Variants in CHCHD6 observed in about 807,000 individuals in gnomAD.
The protein encoded by CHCHD6 is MICOS complex subunit MIC25.
In CHCHD6, 28 loss-of-function variants were observed where a neutral mutation model predicts 32.3. The ratio of observed to expected loss-of-function variants is 0.87; its 90% CI spans 0.64 to 1.19. The LOEUF (loss-of-function observed/expected upper bound fraction) is 1.19, where lower values mean the gene tolerates loss of function less well. Among genes scored for constraint, CHCHD6 ranks in the 50% most tolerant of loss-of-function variants. The pLI is 0.00. For missense variants in CHCHD6, 333 were observed against 307.0 expected, an observed-to-expected ratio of 1.08 and a Z score of -0.63; for synonymous variants, 122 against 117.5, an observed-to-expected ratio of 1.04 and a Z score of -0.25.
chr3:126,751,126 C>T (rs546148382), intron 4 of CHCHD6, among the ~76,000 whole-genome samples: 16 of 149,642 alleles, frequency 1.1e-4, no homozygotes, highest in Admixed American at 8.0e-4. Context: ...CAGGCCTTGC[C>T]GGGCCTCTGG....
chr3:126,819,679 A>C (rs1458586778), intron 4 of CHCHD6, among the ~76,000 whole-genome samples: 1 of 152,208 alleles, frequency 6.6e-6, no homozygotes, highest in African/African-American at 2.4e-5. Flanking sequence ...ACCTGGTAGA[A>C]GACTCTTGGC....
At chr3:126,834,609 C>G (rs1940779151) in intron 4 of CHCHD6, among the ~76,000 whole-genome samples, 1 of 152,156 alleles carries the variant, frequency 6.6e-6, no homozygotes, top group African/African-American at 2.4e-5. Flanking sequence ...TCAAGCCAAT[C>G]TCTATCAGTC....
At chr3:126,788,444 C>CCGTCTGG (rs1312729075) in intron 4 of CHCHD6, among the ~76,000 whole-genome samples, 1 of 152,198 alleles carries the variant, frequency 6.6e-6, no homozygotes, top group African/African-American at 2.4e-5. Flanking sequence ...TGCTGTGAAT[C>CCGTCTGG]CGTCTGGTGT....
chr3:126,873,349 T>C (rs1042236125), intron 5 of CHCHD6, among the ~76,000 whole-genome samples: 2 of 152,164 alleles, frequency 1.3e-5, no homozygotes, highest in African/African-American at 2.4e-5. Context: ...CTCCCAGCCT[T>C]GCTTTATTTG....
chr3:126,813,783 T>C (rs934788730), intron 4 of CHCHD6, among the ~76,000 whole-genome samples: 5 of 152,210 alleles, frequency 3.3e-5, no homozygotes, highest in African/African-American at 1.2e-4. Flanking sequence ...CCTTTGCCAG[T>C]CTTCCAGGAA....
chr3:126,938,399 G>T (rs752372946), intron 6 of CHCHD6, among the ~76,000 whole-genome samples: 10 of 152,206 alleles, frequency 6.6e-5, no homozygotes, highest in African/African-American at 9.6e-5. Context: ...CGAGAACAAG[G>T]CAATGAGCTG....
At chr3:126,840,124 A>C (rs570861464) in intron 4 of CHCHD6, among the ~76,000 whole-genome samples, 10 of 152,296 alleles carry the variant, frequency 6.6e-5, no homozygotes, top group Admixed American at 2.0e-4. Context: ...TTTATGTTGT[A>C]GCATGTATTA....
At chr3:126,934,315 C>T (rs1233890915) in intron 6 of CHCHD6, among the ~76,000 whole-genome samples, 3 of 152,056 alleles carry the variant, frequency 2.0e-5, no homozygotes, top group Non-Finnish European at 4.4e-5. Context: ...CAGGAATGCC[C>T]GGGAGTTTTA....
At chr3:126,863,815 ACCT>A (rs1287440304) in intron 5 of CHCHD6, among the ~76,000 whole-genome samples, 3 of 68,062 alleles carry the variant, frequency 4.4e-5, no homozygotes, top group African/African-American at 6.0e-5. Flanking sequence ...CATCATCACC[ACCT>A]CCTCCTCTAC....
At chr3:126,760,292 A>G (rs749937998) in intron 4 of CHCHD6, among the ~76,000 whole-genome samples, 5 of 152,184 alleles carry the variant, frequency 3.3e-5, no homozygotes, top group Non-Finnish European at 7.3e-5. Context: ...TTTTCTGCCC[A>G]TTGATGATTC....
intron 4 of CHCHD6, among the ~76,000 whole-genome samples, chr3:126,808,748 A>G (rs922335699): frequency 7.2e-5 from 11 of 152,106 alleles, no homozygotes; most frequent in Non-Finnish European, 1.3e-4. Context: ...GTGGATACCT[A>G]ATGATTTTCT....
chr3:126,854,918 G>A (rs1472370678), intron 5 of CHCHD6: 1 of 152,232 alleles, frequency 6.6e-6, no homozygotes, highest in Non-Finnish European at 1.5e-5. Flanking sequence ...AAGCTGGTCA[G>A]CCTCCACCTT....
Position 126,954,744 on chromosome 3 carries a change from G to A in CHCHD6, c.567-2672G>A, listed in dbSNP as rs554255288. Among the ~76,000 whole-genome samples, 4 of 152,332 alleles carry A rather than the reference G, an allele frequency of 2.6e-5. No homozygotes were observed. The East Asian group carries it at 7.7e-4, about 29-fold the overall frequency. On this transcript the variant is annotated intron_variant, in intron 6 of 7. Coordinates refer to ENST00000290913, the MANE Select transcript of CHCHD6 (RefSeq NM_032343.3). The stretch of plus-strand genomic sequence containing the variant: ...TTCAGGGGAGTGCAGCAGAGGCTAT[G>A]ATGGAAGTCATGCTCTGGGGTCTCA...
At chr3:126,863,394 C>G (rs1157046908) in intron 5 of CHCHD6, among the ~76,000 whole-genome samples, 2 of 136,502 alleles carry the variant, frequency 1.5e-5, no homozygotes, top group African/African-American at 2.8e-5. Context: ...CCATCACCAC[C>G]TCCTCCTCCT....
intron 6 of CHCHD6, among the ~76,000 whole-genome samples, chr3:126,929,575 T>G (rs116053363): frequency 6.7e-6 from 1 of 149,964 alleles, no homozygotes; most frequent in Non-Finnish European, 1.5e-5. Flanking sequence ...CTCTCTCTCT[T>G]TTTTTTTTGA....
At chr3:126,831,208 G>A (rs1270033169) in intron 4 of CHCHD6, among the ~76,000 whole-genome samples, 1 of 152,058 alleles carries the variant, frequency 6.6e-6, no homozygotes, top group Non-Finnish European at 1.5e-5. Flanking sequence ...TGTATTTTTA[G>A]TAGAGACAGG....
chr3:126,874,281 G>A (rs186720549), intron 5 of CHCHD6, among the ~76,000 whole-genome samples: 1 of 152,348 alleles, frequency 6.6e-6, no homozygotes, highest in East Asian at 1.9e-4. Context: ...AGTTAAAAGT[G>A]TTCATGGTAA....
intron 6 of CHCHD6, among the ~76,000 whole-genome samples, chr3:126,956,813 T>G (rs1164706406): frequency 6.6e-6 from 1 of 152,208 alleles, no homozygotes; most frequent in African/African-American, 2.4e-5. Context: ...CAAAATATTA[T>G]AATGGTTACC....
intron 5 of CHCHD6, among the ~76,000 whole-genome samples, chr3:126,859,520 CAG>C (rs1941781206): frequency 6.6e-6 from 1 of 152,324 alleles, no homozygotes; most frequent in South Asian, 2.1e-4. Flanking sequence ...AAGTATCAGA[CAG>C]GGAGTTCTGT....
Sources: gnomAD v4.1 joint callset for allele counts (sites outside exome capture counted in the v4.1 genomes callset) on GRCh38, gnomAD v4.1.1 for gene constraint, MANE v1.5 for transcripts, NCBI Gene and HGNC (gene_info 2026-07-23, HGNC 2026-07-21) for gene names.